The following CNTN5 variants were observed in gnomAD, a reference collection of about 807,000 sequenced individuals.
The protein encoded by CNTN5 is contactin-5.
A neutral mutation model predicts 129.1 loss-of-function variants in CNTN5; 77 were observed. The observed-to-expected ratio is 0.60, with a 90% CI of 0.50 to 0.72. The LOEUF (loss-of-function observed/expected upper bound fraction) is 0.72. Among genes scored for constraint, CNTN5 ranks in the 30% least tolerant of loss-of-function variants. The pLI is 0.00. For synonymous variants in CNTN5, 509 were observed against 465.6 expected (o/e 1.09, Z -1.20); for missense variants, 1,478 against 1,328.8 (o/e 1.11, Z -1.75).
intron 2 of CNTN5, among the ~76,000 whole-genome samples, chr11:99,400,636 G>A (rs1198692137): frequency 1.3e-5 from 2 of 152,002 alleles, no homozygotes; most frequent in Non-Finnish European, 2.9e-5. Context: ...TCTATTTTTA[G>A]TCTTTTGAGG....
intron 3 of CNTN5, among the ~76,000 whole-genome samples, chr11:99,730,992 C>T (rs944658675): frequency 6.6e-6 from 1 of 152,144 alleles, no homozygotes; most frequent in Non-Finnish European, 1.5e-5. Flanking sequence ...GTACTCTCTA[C>T]CTCCATGAGA....
At chr11:99,777,104 A>C (rs1945150058) in intron 3 of CNTN5, among the ~76,000 whole-genome samples, 1 of 151,890 alleles carries the variant, frequency 6.6e-6, no homozygotes, top group Non-Finnish European at 1.5e-5. Flanking sequence ...TATTATTATA[A>C]CTTTAAAGAA....
intron 1 of CNTN5, among the ~76,000 whole-genome samples, chr11:99,040,103 C>T (rs892475809): frequency 1.3e-5 from 2 of 151,940 alleles, no homozygotes; most frequent in Non-Finnish European, 2.9e-5. Context: ...GGAATACAGA[C>T]ATGTTGGACT....
At chr11:99,759,704 G>A (rs1250638243) in intron 3 of CNTN5, among the ~76,000 whole-genome samples, 2 of 150,872 alleles carry the variant, frequency 1.3e-5, no homozygotes, top group African/African-American at 2.4e-5. Flanking sequence ...AGGGAGGGAG[G>A]GAGGGAAAGA....
intron 9 of CNTN5, among the ~76,000 whole-genome samples, chr11:100,051,666 A>G (rs879550629): frequency 2.0e-5 from 3 of 151,896 alleles, no homozygotes; most frequent in Non-Finnish European, 4.4e-5. Flanking sequence ...AGGAAAAAGT[A>G]AAACTCAAAT....
intron 3 of CNTN5, among the ~76,000 whole-genome samples, chr11:99,733,055 G>A (rs980379401): frequency 6.6e-6 from 1 of 152,154 alleles, no homozygotes; most frequent in Non-Finnish European, 1.5e-5. Flanking sequence ...GCCGGGCGCG[G>A]TGGCTCACGC....
rs1950818029 is a variant in CNTN5, at chr11:99,956,906, A to C, written c.774A>C (p.Lys258Asn). Residue 258 changes from lysine to asparagine, a missense_variant, in exon 8 of 25, where the codon AAA becomes AAC. Lys to Asn is a moderately conservative substitution (Grantham distance 94). Transcript: ENST00000524871. ...AGACAGGCAACCTTTATATTTCTAA[A>C]GTCCAAACATCAGATGTTGGCAGCT... ...SQETGNLYISKVQTSDVGSYI... is the reference protein window; with the variant it reads ...SQETGNLYISNVQTSDVGSYI... The C allele has an allele frequency of 6.2e-7, 1 of 1,613,850 alleles. No homozygotes were observed. The highest frequency in any genetic ancestry group is 1.7e-5 in the Admixed American group (1 of 60,000).
intron 6 of CNTN5, among the ~76,000 whole-genome samples, chr11:99,878,671 C>T (rs61911637): frequency 0.093 from 14,106 of 151,968 alleles, 1,259 homozygotes; most frequent in East Asian, 0.39. Flanking sequence ...CCCTGGCCAA[C>T]ATGGTGAAAC....
intron 1 of CNTN5, among the ~76,000 whole-genome samples, chr11:99,295,953 A>G (rs1277141398): frequency 2.6e-5 from 4 of 151,324 alleles, no homozygotes; most frequent in Non-Finnish European, 4.4e-5. Context: ...AAAGTTTCTC[A>G]CCTACATTGG....
intron 9 of CNTN5, among the ~76,000 whole-genome samples, chr11:100,004,753 C>G (rs1383113444): frequency 6.6e-6 from 1 of 152,096 alleles, no homozygotes; most frequent in Admixed American, 6.6e-5. Flanking sequence ...GTTTCCAGAA[C>G]CAGGGAAAAC....
At chr11:99,990,445 T>TACACACACACACACAC (rs1318603192) in intron 8 of CNTN5, among the ~76,000 whole-genome samples, 18 of 81,310 alleles carry the variant, frequency 2.2e-4, no homozygotes, top group African/African-American at 6.7e-4. Context: ...ATTTTTAGAA[T>TACACACACACACACAC]ATATATATAT....
intron 1 of CNTN5, among the ~76,000 whole-genome samples, chr11:99,063,529 TAA>T (rs1463800656): frequency 1.3e-5 from 2 of 150,686 alleles, no homozygotes; most frequent in African/African-American, 4.9e-5. Context: ...AATAAATAAA[TAA>T]ATAAATAAAT....
chr11:99,507,921 T>C (rs948550520), intron 2 of CNTN5, among the ~76,000 whole-genome samples: 1 of 152,260 alleles, frequency 6.6e-6, no homozygotes, highest in Non-Finnish European at 1.5e-5. Flanking sequence ...CTTGAATGGC[T>C]TTATAAAACT....
chr11:99,364,580 T>G (rs1208500649), intron 2 of CNTN5, among the ~76,000 whole-genome samples: 1 of 152,278 alleles, frequency 6.6e-6, no homozygotes, highest in East Asian at 1.9e-4. Flanking sequence ...AAGCAAAGAT[T>G]CAAAACTATG....
At chr11:99,240,811 G>A (rs374339705) in intron 1 of CNTN5, among the ~76,000 whole-genome samples, 8 of 152,220 alleles carry the variant, frequency 5.3e-5, no homozygotes, top group African/African-American at 1.7e-4. Context: ...GTGACAAAGG[G>A]CAAAGATTCT....
intron 7 of CNTN5, among the ~76,000 whole-genome samples, chr11:99,930,788 T>TAAACACAAACACAC (rs1555160641): frequency 1.6e-4 from 4 of 24,630 alleles, no homozygotes; most frequent in African/African-American, 6.7e-4. Context: ...AATAAACACA[T>TAAACACAAACACAC]ACACACAAAC....
At chr11:99,873,129 CA>C (rs1202458765) in intron 6 of CNTN5, among the ~76,000 whole-genome samples, 2 of 152,020 alleles carry the variant, frequency 1.3e-5, no homozygotes, top group Non-Finnish European at 2.9e-5. Context: ...GCGATAGTTT[CA>C]GTAGCTGTGC....
chr11:99,654,981 TA>T (rs1952297610), intron 3 of CNTN5, among the ~76,000 whole-genome samples: 1 of 152,040 alleles, frequency 6.6e-6, no homozygotes, highest in African/African-American at 2.4e-5. Context: ...TTAGAGTTTA[TA>T]AGGGTTTTGG....
At chr11:99,023,747 T>A (rs1453134114) in intron 1 of CNTN5, among the ~76,000 whole-genome samples, 1 of 152,196 alleles carries the variant, frequency 6.6e-6, no homozygotes, top group Admixed American at 6.5e-5. Flanking sequence ...TGATTACCTA[T>A]TGTCTTTGAA....
Sources: gnomAD v4.1 joint callset for allele counts (sites outside exome capture counted in the v4.1 genomes callset) on GRCh38, gnomAD v4.1.1 for gene constraint, MANE v1.5 for transcripts, NCBI Gene and HGNC (gene_info 2026-07-23, HGNC 2026-07-21) for gene names.